The following CNNM1 variants were observed in gnomAD, a reference collection of about 807,000 sequenced individuals.
CNNM1 encodes cyclin and CBS domain divalent metal cation transport mediator 1.
Under a neutral mutation model 78.8 loss-of-function variants are expected in CNNM1, and 44 were observed. The ratio of observed to expected loss-of-function variants is 0.56; its 90% CI spans 0.44 to 0.72. CNNM1 has a LOEUF of 0.72. Ranked by LOEUF, CNNM1 falls within the 30% of genes least tolerant of loss-of-function variation. CNNM1 has a pLI of 0.00. For missense variants in CNNM1, 1,101 were observed against 1,292.2 expected, an observed-to-expected ratio of 0.85 and a Z score of 2.27; for synonymous variants, 584 against 581.5, an observed-to-expected ratio of 1.00 and a Z score of -0.06.
chr10:99,358,304 G>A (rs529137523), intron 2 of CNNM1, among the ~76,000 whole-genome samples: 1 of 152,320 alleles, frequency 6.6e-6, no homozygotes, highest in Non-Finnish European at 1.5e-5. Flanking sequence ...CTATGCAGAT[G>A]TGAGTACTTT....
intron 1 of CNNM1, among the ~76,000 whole-genome samples, chr10:99,341,298 A>G (rs1371761936): frequency 6.6e-6 from 1 of 151,716 alleles, no homozygotes; most frequent in Non-Finnish European, 1.5e-5. Flanking sequence ...GGAAAGTGCC[A>G]CCTCTGCCAG....
At chr10:99,356,564 G>GACAGACAGAAAGAAAGAAAAGAAAAGAA (rs1554940021) in intron 1 of CNNM1, among the ~76,000 whole-genome samples, 3 of 98,184 alleles carry the variant, frequency 3.1e-5, no homozygotes, top group Non-Finnish European at 4.2e-5. Context: ...CAGACAGACA[G>GACAGACAGAAAGAAAGAAAAGAAAAGAA]AAAGAAAGAA....
intron 2 of CNNM1, among the ~76,000 whole-genome samples, chr10:99,359,923 CAA>C (rs71009748): frequency 4.1e-4 from 47 of 115,340 alleles, no homozygotes; most frequent in Middle Eastern, 4.4e-3. Flanking sequence ...TTTCCTCTAC[CAA>C]AAAAAAAAAA....
At chr10:99,351,268 A>G (rs1235857993) in intron 1 of CNNM1, among the ~76,000 whole-genome samples, 2 of 152,194 alleles carry the variant, frequency 1.3e-5, no homozygotes, top group Non-Finnish European at 2.9e-5. Context: ...TATCTCAAGC[A>G]TGTCTCAGAG....
Position 99,387,729 on chromosome 10 carries a change from C to G in CNNM1, c.2341-91C>G, listed in dbSNP as rs2032345932. On this transcript the variant is annotated intron_variant, in intron 7 of 10. Coordinates refer to ENST00000356713, the MANE Select transcript of CNNM1 (RefSeq NM_020348.3). ...TCAGAGGCCGAGGGTTCCAAGCACC[C>G]CAGCGAGGCTGCCCCCGAGCCTGGG... 5 of 1,328,932 alleles carry G rather than the reference C, an allele frequency of 3.8e-6. No homozygotes were observed. In the South Asian group the frequency reaches 4.6e-5, roughly 12 times the overall value. The allele number at this position is 1,328,932 out of a possible 1,614,324, so 82.3% of individuals were successfully genotyped here.
intron 7 of CNNM1, among the ~76,000 whole-genome samples, chr10:99,384,999 A>G (rs2032267147): frequency 6.6e-6 from 1 of 151,844 alleles, no homozygotes; most frequent in African/African-American, 2.4e-5. Context: ...TCTGGGAGGC[A>G]AAGGTTGCAC....
chr10:99,340,853 C>T (rs926686749), intron 1 of CNNM1, among the ~76,000 whole-genome samples: 8 of 149,726 alleles, frequency 5.3e-5, no homozygotes, highest in Admixed American at 2.0e-4. Flanking sequence ...CTCTTTCTCT[C>T]CTTCCCCGCT....
chr10:99,389,158 G>A (rs890930388), intron 9 of CNNM1, among the ~76,000 whole-genome samples: 3 of 152,148 alleles, frequency 2.0e-5, no homozygotes, highest in South Asian at 2.1e-4. Flanking sequence ...GCTCATGCCT[G>A]TAATCCCAGC....
At chr10:99,374,867 A>G (rs2134066595) in intron 6 of CNNM1, among the ~76,000 whole-genome samples, 1 of 152,326 alleles carries the variant, frequency 6.6e-6, no homozygotes, top group South Asian at 2.1e-4. Flanking sequence ...AGTAGATGTA[A>G]CAAGTAGTTA....
At chr10:99,356,562 C>CAGAAAGAAAGAAAAGAAAAGAAA (rs55778106) in intron 1 of CNNM1, among the ~76,000 whole-genome samples, 1 of 98,444 alleles carries the variant, frequency 1.0e-5, no homozygotes, top group African/African-American at 4.0e-5. Context: ...GACAGACAGA[C>CAGAAAGAAAGAAAAGAAAAGAAA]AGAAAGAAAG....
intron 7 of CNNM1, among the ~76,000 whole-genome samples, chr10:99,387,528 C>T (rs1400134193): frequency 1.3e-5 from 2 of 152,232 alleles, no homozygotes; most frequent in Non-Finnish European, 2.9e-5. Flanking sequence ...CATGGGCAAC[C>T]ACCCTGCTCT....
At chr10:99,369,842 C>G (rs1329954576) in intron 6 of CNNM1, among the ~76,000 whole-genome samples, 2 of 152,162 alleles carry the variant, frequency 1.3e-5, no homozygotes, top group African/African-American at 4.8e-5. Flanking sequence ...ATGGTCTACT[C>G]CTACATGCCC....
chr10:99,363,194 C>T lies in CNNM1; in HGVS notation c.2028+798C>T, dbSNP rs57044583. On this transcript the variant is annotated intron_variant, in intron 4 of 10. Coordinates refer to ENST00000356713, the MANE Select transcript of CNNM1 (RefSeq NM_020348.3). ...AAAATCTTGATTAAGCTCACATGAA[C>T]TTAGAAATGGTCTCTTTGTTACTGT... Among the ~76,000 whole-genome samples the T allele has an allele frequency of 6.4e-3, 981 of 152,322 alleles. 11 individuals are homozygous for T. Among genetic ancestry groups the T allele is most frequent in the African/African-American group, 0.022 (931 of 41,570 alleles).
intron 2 of CNNM1, among the ~76,000 whole-genome samples, chr10:99,360,108 C>A (rs1366542309): frequency 5.3e-5 from 8 of 152,156 alleles, no homozygotes; most frequent in Admixed American, 4.6e-4. Flanking sequence ...TCCAGAAAAC[C>A]CACCTTTAGA....
At chr10:99,389,691 G>A (rs2032415499) in intron 9 of CNNM1, among the ~76,000 whole-genome samples, 1 of 152,190 alleles carries the variant, frequency 6.6e-6, no homozygotes, top group Non-Finnish European at 1.5e-5. Context: ...GCCTAGAGAA[G>A]GGAAATAACT....
chr10:99,383,339 A>G (rs928549396), intron 7 of CNNM1, among the ~76,000 whole-genome samples: 1 of 152,028 alleles, frequency 6.6e-6, no homozygotes, highest in Admixed American at 6.5e-5. Context: ...AGTTCAACTC[A>G]GTGAACTCAC....
chr10:99,330,683 G>T lies in CNNM1; in HGVS notation c.1296G>T (p.Val432=), dbSNP rs766789764. Residue 432 remains valine (V), a synonymous_variant, in exon 1 of 11, where the codon GTG becomes GTT. Transcript: ENST00000356713. ...TGCGCACCAAAGTTGTGGAGGAGGT[G>T]CTGACCCCCCTGGGAGACTGCTTCA... ...LELRTKVVEE[V]LTPLGDCFML... 6.2e-7 allele frequency: 1 copy of T among 1,613,988 alleles called. No homozygotes were observed. The highest frequency in any genetic ancestry group is 1.7e-5 in the Admixed American group (1 of 60,032).
intron 6 of CNNM1, among the ~76,000 whole-genome samples, chr10:99,375,513 G>C (rs569366569): frequency 6.6e-6 from 1 of 152,262 alleles, no homozygotes; most frequent in East Asian, 1.9e-4. Flanking sequence ...ACTGGAAGTG[G>C]ACTCCTTAAT....
intron 4 of CNNM1, among the ~76,000 whole-genome samples, chr10:99,362,693 G>A (rs1317292546): frequency 1.3e-5 from 2 of 152,148 alleles, no homozygotes; most frequent in East Asian, 3.9e-4. Context: ...CTGCTGCTCT[G>A]CGGAAGCTAT....
Sources: allele counts gnomAD v4.1 joint callset (sites outside exome capture counted in the v4.1 genomes callset), GRCh38; gene constraint gnomAD v4.1.1; transcripts MANE v1.5; gene names NCBI Gene and HGNC (gene_info 2026-07-23, HGNC 2026-07-21).